Variants in ERI1 observed in about 807,000 individuals in gnomAD.
The protein encoded by ERI1 is 3'-5' exoribonuclease 1.
In ERI1, 39 loss-of-function variants were observed where a neutral mutation model predicts 39.7. The observed-to-expected ratio is 0.98, with a 90% CI of 0.76 to 1.28. The LOEUF is 1.28. ERI1 is among the 50% of genes most tolerant of loss of function. The probability of loss-of-function intolerance (pLI) is 0.00; values close to 1 mark genes in which losing one functional copy is unlikely to be tolerated. For missense variants in ERI1, 581 were observed against 416.9 expected (o/e 1.39, Z -3.43); for synonymous variants, 204 against 149.6 (o/e 1.36, Z -2.65).
chr8:9,052,954 A>G (rs1798405290), intron 3 of ERI1, among the ~76,000 whole-genome samples: 1 of 152,132 alleles, frequency 6.6e-6, no homozygotes, highest in Admixed American at 6.5e-5. Context: ...ACCTCTGGAG[A>G]GAAGAGGGGA....
chr8:9,040,164 T>C (rs543700510), intron 3 of ERI1, among the ~76,000 whole-genome samples: 5 of 152,320 alleles, frequency 3.3e-5, no homozygotes, highest in Non-Finnish European at 7.4e-5. Context: ...TGTTGGGGCC[T>C]CCACCAAGAG....
chr8:9,013,352 T>A (rs59257214), intron 3 of ERI1, among the ~76,000 whole-genome samples: 2 of 150,668 alleles, frequency 1.3e-5, no homozygotes, highest in African/African-American at 4.9e-5. Context: ...AAATTAACAC[T>A]GCACTGCTGG....
chr8:9,029,892 C>A lies in ERI1; in HGVS notation c.908C>A (p.Ala303Asp). The change falls in exon 7 of 7, where the codon GCC (alanine) becomes GAC (aspartate). Residue 303 changes from alanine to aspartate, a missense_variant. Transcript: ENST00000250263. ...HCGLDDSKNI[A>D]RIAVRMLQDG... ...GGTCTTGATGACTCTAAGAATATCG[C>A]CCGAATAGCAGTTCGAATGCTTCAG... 1 of 1,614,070 alleles carries A rather than the reference C, an allele frequency of 6.2e-7. No homozygotes were observed.
rs555784269 is a variant in ERI1, at chr8:9,023,869, G to C, written c.807+3405G>C. 1.0e-3 allele frequency among the ~76,000 whole-genome samples: 126 copies of C among 124,842 alleles called. 1 individual carries two copies. Among genetic ancestry groups the C allele is most frequent in the Middle Eastern group, 7.4e-3 (1 of 136 alleles). 81.9% of individuals were successfully genotyped at this position (124,842 alleles called of 152,430 possible). A position where few individuals can be genotyped will look rare whatever the true frequency, so the allele number is the denominator to read the frequency against. On this transcript the variant is annotated intron_variant, in intron 6 of 6. Coordinates refer to ENST00000250263, the MANE Select transcript of ERI1 (RefSeq NM_153332.4). ...GCTGGAGTGCAGTGGCATGATCTCA[G>C]CTCACTGCAGCCTCTGCCTCCCGGG...
chr8:9,065,829 T>C (rs1462359134), intron 3 of ERI1, among the ~76,000 whole-genome samples: 1 of 152,172 alleles, frequency 6.6e-6, no homozygotes, highest in African/African-American at 2.4e-5. Flanking sequence ...TTGGAAGTTT[T>C]GATTCCTTTT....
intron 3 of ERI1, among the ~76,000 whole-genome samples, chr8:9,056,727 G>A (rs1322537810): frequency 6.6e-6 from 1 of 152,098 alleles, no homozygotes; most frequent in African/African-American, 2.4e-5. Flanking sequence ...GAAAATTGTT[G>A]TATTGATTTG....
At chr8:9,097,171 A>T (rs1799903956) in intron 3 of ERI1, among the ~76,000 whole-genome samples, 1 of 151,932 alleles carries the variant, frequency 6.6e-6, no homozygotes, top group South Asian at 2.1e-4. Flanking sequence ...GCCTTTTGTG[A>T]CTATTCAATC....
chr8:9,097,294 T>G (rs1418533468), intron 3 of ERI1, among the ~76,000 whole-genome samples: 2 of 152,214 alleles, frequency 1.3e-5, no homozygotes, highest in African/African-American at 4.8e-5. Flanking sequence ...GTCGAGTGTT[T>G]TTGTGCTAGG....
chr8:9,074,323 C>A (rs1046118054), intron 3 of ERI1, among the ~76,000 whole-genome samples: 3 of 151,820 alleles, frequency 2.0e-5, no homozygotes, highest in African/African-American at 7.3e-5. Flanking sequence ...GTTGGCCAGG[C>A]TGGACTTGAA....
At chr8:9,074,678 C>T (rs1299348003) in intron 3 of ERI1, among the ~76,000 whole-genome samples, 1 of 152,232 alleles carries the variant, frequency 6.6e-6, no homozygotes, top group African/African-American at 2.4e-5. Flanking sequence ...AAGTGATCCT[C>T]CCGTCTTGGG....
intron 3 of ERI1, among the ~76,000 whole-genome samples, chr8:9,054,644 G>A (rs763689617): frequency 1.1e-4 from 17 of 152,254 alleles, no homozygotes; most frequent in Non-Finnish European, 2.1e-4. Flanking sequence ...ACGTGATTGG[G>A]CCAGGCACCA....
At chr8:9,049,316 A>G (rs1172092115) in intron 3 of ERI1, among the ~76,000 whole-genome samples, 2 of 127,694 alleles carry the variant, frequency 1.6e-5, no homozygotes, top group Non-Finnish European at 3.2e-5. Flanking sequence ...AGCCTGGGCG[A>G]CAGAGTGAGA....
At chr8:9,013,751 C>G (rs541325505) in intron 3 of ERI1, among the ~76,000 whole-genome samples, 2 of 152,140 alleles carry the variant, frequency 1.3e-5, no homozygotes, top group African/African-American at 4.8e-5. Flanking sequence ...GGGATGGCAG[C>G]TTTTTCTAAT....
intron 3 of ERI1, among the ~76,000 whole-genome samples, chr8:9,053,929 C>T (rs1478198123): frequency 1.3e-5 from 2 of 152,198 alleles, no homozygotes; most frequent in Non-Finnish European, 2.9e-5. Context: ...CTTTCTTCCT[C>T]TCTTTGGTGG....
chr8:9,011,101 A>G (rs1395433482), intron 2 of ERI1, among the ~76,000 whole-genome samples: 6 of 152,172 alleles, frequency 3.9e-5, no homozygotes, highest in African/African-American at 1.4e-4. Flanking sequence ...GGAAAGAGAT[A>G]ATACGATATT....
downstream of ERI1, among the ~76,000 whole-genome samples, chr8:9,036,488 G>A (rs914380034): frequency 6.6e-6 from 1 of 152,148 alleles, no homozygotes; most frequent in Non-Finnish European, 1.5e-5. Flanking sequence ...AGGTATATAT[G>A]TATTTTTTAG....
At chr8:9,029,109 A>G (rs563644825) in intron 6 of ERI1, among the ~76,000 whole-genome samples, 2 of 151,964 alleles carry the variant, frequency 1.3e-5, no homozygotes, top group South Asian at 4.2e-4. Flanking sequence ...CTTTTTATCT[A>G]AGAAATCAGT....
chr8:9,034,583 T>A (rs1271936262), downstream of ERI1, among the ~76,000 whole-genome samples: 1 of 152,088 alleles, frequency 6.6e-6, no homozygotes, highest in Non-Finnish European at 1.5e-5. Flanking sequence ...CACACCCATA[T>A]AAGACAACGA....
At chr8:9,078,267 A>C (rs1333766899) in intron 3 of ERI1, among the ~76,000 whole-genome samples, 1 of 151,872 alleles carries the variant, frequency 6.6e-6, no homozygotes, top group African/African-American at 2.4e-5. Context: ...TGGGAATACA[A>C]GTGTGAGCCA....
Sources: gnomAD v4.1 joint callset for allele counts (sites outside exome capture counted in the v4.1 genomes callset) on GRCh38, gnomAD v4.1.1 for gene constraint, MANE v1.5 for transcripts, NCBI Gene and HGNC (gene_info 2026-07-23, HGNC 2026-07-21) for gene names.